Variants in KIF5C observed in about 807,000 individuals in gnomAD.
KIF5C encodes kinesin family member 5C.
A neutral mutation model predicts 125.2 loss-of-function variants in KIF5C; 18 were observed. The ratio of observed to expected loss-of-function variants is 0.14; its 90% CI spans 0.10 to 0.21. The LOEUF (loss-of-function observed/expected upper bound fraction) is 0.21. KIF5C is among the 10% of genes least tolerant of loss of function. The pLI, the probability that KIF5C is intolerant of heterozygous loss-of-function variation, is 1.00. For synonymous variants in KIF5C, 405 were observed against 434.0 expected, an observed-to-expected ratio of 0.93 and a Z score of 0.83; for missense variants, 780 against 1,183.8, an observed-to-expected ratio of 0.66 and a Z score of 5.01.
chr2:148,920,854 G>C (rs1029945044), intron 1 of KIF5C, among the ~76,000 whole-genome samples: 3 of 152,168 alleles, frequency 2.0e-5, no homozygotes, highest in African/African-American at 7.2e-5. Context: ...CTGGTGTCCA[G>C]AGCCACACAT....
At chr2:148,955,638 T>TATATA in intron 10 of KIF5C, among the ~76,000 whole-genome samples, 1 of 151,990 alleles carries the variant, frequency 6.6e-6, no homozygotes, top group South Asian at 2.1e-4. Context: ...TACAATAGGA[T>TATATA]ATATAATATA....
At chr2:148,982,499 G>A (rs6708888) in intron 14 of KIF5C, among the ~76,000 whole-genome samples, 1,824 of 152,324 alleles carry the variant, frequency 0.012, 36 homozygotes, top group African/African-American at 0.041. Flanking sequence ...GAGAGTGCTG[G>A]TCTGCTGACT....
Position 148,934,967 on chromosome 2 carries a change from G to A in KIF5C, c.292-2317G>A, listed in dbSNP as rs147174671. On this transcript the variant is annotated intron_variant, in intron 3 of 25. Transcript: ENST00000435030. ...CGTACACACACCTGCAGATTGTTTC[G>A]GCAGGCCCAGTTTGCTGCACATAAA... The A allele has an allele frequency of 1.0e-4, 29 of 285,398 alleles. 1 individual carries two copies. Among genetic ancestry groups the A allele is most frequent in the South Asian group, 3.6e-4 (13 of 36,030 alleles). 17.7% of individuals were successfully genotyped at this position (285,398 alleles called of 1,614,324 possible). A position where few individuals can be genotyped will look rare whatever the true frequency, so the allele number is the denominator to read the frequency against.
At position 148,899,560 on chromosome 2, in the gene KIF5C, G is replaced by A. The variant is rs141160503; in HGVS notation, c.127-22577G>A. Among the ~76,000 whole-genome samples the A allele has an allele frequency of 3.1e-3, 471 of 151,856 alleles. 2 individuals carry two copies. Among genetic ancestry groups the A allele is most frequent in the African/African-American group, 0.011 (451 of 41,436 alleles). On this transcript the variant is annotated intron_variant, in intron 1 of 25. Coordinates refer to ENST00000435030, the MANE Select transcript of KIF5C (RefSeq NM_004522.3). ...CTACTAAAAATACAAAAAATCAGCC[G>A]GGCGTGGTGGTGGGCGCCTGTAATC...
chr2:148,890,695 C>G (rs1167166636), intron 1 of KIF5C, among the ~76,000 whole-genome samples: 1 of 152,120 alleles, frequency 6.6e-6, no homozygotes, highest in Non-Finnish European at 1.5e-5. Flanking sequence ...TATCCTATAG[C>G]TGGATCAGAA....
At chr2:149,006,106 T>A (rs772885133) in intron 22 of KIF5C, among the ~76,000 whole-genome samples, 1 of 152,188 alleles carries the variant, frequency 6.6e-6, no homozygotes. Context: ...AGACACTCCA[T>A]AATGGTGACT....
At chr2:148,937,232 A>T (rs373694182) in intron 3 of KIF5C, 52 bp from the exon 4 acceptor site, 15 of 1,547,002 alleles carry the variant, frequency 9.7e-6, no homozygotes, top group Non-Finnish European at 1.2e-5. Flanking sequence ...CCTCTCTCTC[A>T]TGTGTCTCCC....
At chr2:148,995,860 A>G (rs976708179) in intron 17 of KIF5C, among the ~76,000 whole-genome samples, 2 of 152,256 alleles carry the variant, frequency 1.3e-5, no homozygotes, top group African/African-American at 4.8e-5. Flanking sequence ...ATAACTATTA[A>G]AAATGAATGG....
intron 1 of KIF5C, among the ~76,000 whole-genome samples, chr2:148,908,501 T>C (rs1681202648): frequency 6.6e-6 from 1 of 152,240 alleles, no homozygotes; most frequent in South Asian, 2.1e-4. Context: ...ACCCTGACCT[T>C]AGCGTAGTAG....
chr2:148,950,021 C>G, intron 9 of KIF5C, 78 bp downstream of exon 9: 1 of 1,520,676 alleles, frequency 6.6e-7, no homozygotes, highest in Non-Finnish European at 8.8e-7. Flanking sequence ...CTTTGCCACA[C>G]ACCCCAAAGG....
intron 25 of KIF5C, among the ~76,000 whole-genome samples, chr2:149,018,683 T>A (rs776749197): frequency 2.0e-5 from 3 of 151,944 alleles, no homozygotes; most frequent in South Asian, 2.1e-4. Context: ...ATAAAATAAA[T>A]TAAAAATTAG....
At chr2:148,990,879 CT>C (rs1681506243) in intron 15 of KIF5C, 130 bp from the exon 16 acceptor site, 1 of 1,423,254 alleles carries the variant, frequency 7.0e-7, no homozygotes, top group Non-Finnish European at 9.2e-7. Flanking sequence ...GTACTTTCCG[CT>C]TGTCCTTTAA....
chr2:148,945,609 G>A (rs1486314638), intron 7 of KIF5C, among the ~76,000 whole-genome samples: 2 of 152,202 alleles, frequency 1.3e-5, no homozygotes, highest in East Asian at 1.9e-4. Context: ...GGTTACATGA[G>A]TAAGTTCTTT....
At chr2:148,942,551 G>T in intron 6 of KIF5C, 122 bp from the exon 7 acceptor site, 1 of 1,472,644 alleles carries the variant, frequency 6.8e-7, no homozygotes. Flanking sequence ...TTGTTGGATC[G>T]ATATTTCAGC....
intron 1 of KIF5C, among the ~76,000 whole-genome samples, chr2:148,903,517 T>A (rs1418095674): frequency 6.6e-6 from 1 of 152,202 alleles, no homozygotes; most frequent in African/African-American, 2.4e-5. Flanking sequence ...GTGGCCCTGA[T>A]GAGAACCTGG....
In KIF5C at chr2:149,016,482, A is replaced by G. The variant is rs570023578; in HGVS notation, c.*7+4799A>G. On this transcript the variant is annotated intron_variant, in intron 25 of 25. Transcript: ENST00000435030. ...TAGAGCTGATTCAGCTGTCAGGCTT[A>G]CTGATGAGGGTTGAGAGCAAGAAGA... 2.0e-5 allele frequency among the ~76,000 whole-genome samples: 3 copies of G among 152,268 alleles called. No individual in the cohort carries two copies. In the East Asian group the frequency reaches 5.8e-4, roughly 29 times the overall value.
chr2:148,901,191 A>G (rs191321472), intron 1 of KIF5C, among the ~76,000 whole-genome samples: 1 of 152,358 alleles, frequency 6.6e-6, no homozygotes, highest in East Asian at 1.9e-4. Context: ...AAAATAAAGC[A>G]ATATGAGAAA....
intron 10 of KIF5C, among the ~76,000 whole-genome samples, chr2:148,960,481 G>C (rs1682899953): frequency 1.3e-5 from 2 of 152,158 alleles, no homozygotes; most frequent in South Asian, 2.1e-4. Context: ...GTGTCAAACA[G>C]GACCAGACTT....
chr2:148,962,983 T>G (rs549418034), intron 11 of KIF5C, among the ~76,000 whole-genome samples: 1 of 152,174 alleles, frequency 6.6e-6, no homozygotes, highest in Non-Finnish European at 1.5e-5. Flanking sequence ...CTCGTTTTCC[T>G]TCTTCCCCAA....
Sources: allele counts gnomAD v4.1 joint callset (sites outside exome capture counted in the v4.1 genomes callset), GRCh38; gene constraint gnomAD v4.1.1; transcripts MANE v1.5; gene names NCBI Gene and HGNC (gene_info 2026-07-23, HGNC 2026-07-21).